Variants in ACOT1 observed in about 807,000 individuals in gnomAD.
ACOT1 encodes the protein acyl-coenzyme A thioesterase 1.
Under a neutral mutation model 15.7 loss-of-function variants are expected in ACOT1, and 8 were observed. The ratio of observed to expected loss-of-function variants is 0.51; its 90% confidence interval spans 0.30 to 0.92. The LOEUF (loss-of-function observed/expected upper bound fraction) is 0.92. ACOT1 is among the 40% of genes least tolerant of loss of function. ACOT1 has a pLI of 0.06. For missense variants in ACOT1, 151 were observed against 539.4 expected (o/e 0.28, Z 7.13); for synonymous variants, 67 against 241.2 (o/e 0.28, Z 6.69).
chr14:73,519,264 T>A, the ACOT1 span: 1 of 1,232,218 alleles, frequency 8.1e-7, no homozygotes, highest in Non-Finnish European at 1.1e-6. Context: ...CCTTTTGCCC[T>A]AATCTAAGCC....
At chr14:73,493,028 G>C in the ACOT1 span, 1 of 1,534,216 alleles carries the variant, frequency 6.5e-7, no homozygotes. Context: ...TTAAACTCAC[G>C]TTCTTACCTT....
chr14:73,533,133 TAAATC>T (rs1222291832), upstream of ACOT1, among the ~76,000 whole-genome samples: 5 of 114,078 alleles, frequency 4.4e-5, 1 homozygote, highest in African/African-American at 1.4e-4. Flanking sequence ...TCTAATAAAA[TAAATC>T]AAAACCCTGT....
the ACOT1 span, chr14:73,519,192 C>A: frequency 3.1e-6 from 5 of 1,588,412 alleles, no homozygotes; most frequent in Non-Finnish European, 4.3e-6. Flanking sequence ...ACAATGAGTC[C>A]CCTATAACCT....
the ACOT1 span, chr14:73,491,048 T>C: frequency 6.3e-7 from 1 of 1,588,646 alleles, no homozygotes; most frequent in South Asian, 1.1e-5. Flanking sequence ...TGCAGGGCCG[T>C]TGAGGCGCGG....
At chr14:73,491,921 C>G in the ACOT1 span, 1 of 1,613,452 alleles carries the variant, frequency 6.2e-7, no homozygotes, top group South Asian at 1.1e-5. Context: ...CCTCTGTCCG[C>G]AGGCTTTCTC....
the ACOT1 span, among the ~76,000 whole-genome samples, chr14:73,504,963 G>A: frequency 1.7e-3 from 262 of 151,688 alleles, 1 homozygote; most frequent in African/African-American, 6.1e-3. Flanking sequence ...ATGGAGTCTC[G>A]CTCTGTCGCC....
the ACOT1 span, among the ~76,000 whole-genome samples, chr14:73,495,693 T>G: frequency 3.3e-5 from 5 of 152,226 alleles, no homozygotes; most frequent in African/African-American, 1.2e-4. Flanking sequence ...TTATACCTGT[T>G]CGTGAAAATT....
chr14:73,493,813 G>A, the ACOT1 span, among the ~76,000 whole-genome samples: 1 of 152,166 alleles, frequency 6.6e-6, no homozygotes, highest in African/African-American at 2.4e-5. Context: ...ATTCCAGCCT[G>A]GGCAACAGAG....
At chr14:73,505,801 T>G in the ACOT1 span, among the ~76,000 whole-genome samples, 31 of 151,906 alleles carry the variant, frequency 2.0e-4, no homozygotes, top group Non-Finnish European at 3.4e-4. Flanking sequence ...TGATCTTTGA[T>G]GAAGAACCAA....
the ACOT1 span, among the ~76,000 whole-genome samples, chr14:73,501,332 A>G: frequency 6.6e-6 from 1 of 151,928 alleles, no homozygotes. Flanking sequence ...TCACTATGTT[A>G]GCCAGGATGG....
chr14:73,498,695 T>G, the ACOT1 span, among the ~76,000 whole-genome samples: 1 of 152,166 alleles, frequency 6.6e-6, no homozygotes, highest in Non-Finnish European at 1.5e-5. Context: ...CTAGGCAGAT[T>G]AAGGGGCAGG....
chr14:73,514,118 GCTT>G, the ACOT1 span: 200 of 1,614,044 alleles, frequency 1.2e-4, no homozygotes, highest in Middle Eastern at 1.3e-3. Flanking sequence ...GATTTTGCCT[GCTT>G]CTTCAATCTC....
chr14:73,524,667 C>T, the ACOT1 span, among the ~76,000 whole-genome samples: 2 of 149,598 alleles, frequency 1.3e-5, no homozygotes, highest in Non-Finnish European at 1.5e-5. Flanking sequence ...CAAATCTAGC[C>T]TACTAGATCA....
intron 1 of ACOT1, among the ~76,000 whole-genome samples, chr14:73,540,719 G>T: frequency 8.4e-6 from 1 of 118,822 alleles, no homozygotes; most frequent in South Asian, 2.6e-4. Flanking sequence ...TCTTAAAAGT[G>T]TTGCCTGTAA....
chr14:73,521,081 G>A, the ACOT1 span: 1 of 1,538,914 alleles, frequency 6.5e-7, no homozygotes. Context: ...GGAAAGAGTA[G>A]GAGGTGGATC....
chr14:73,509,857 TATA>T, the ACOT1 span, among the ~76,000 whole-genome samples: 1 of 71,476 alleles, frequency 1.4e-5, no homozygotes, highest in Non-Finnish European at 3.0e-5. Flanking sequence ...TATATATATA[TATA>T]TATATATATT....
the ACOT1 span, among the ~76,000 whole-genome samples, chr14:73,524,596 G>A: frequency 6.7e-6 from 1 of 150,050 alleles, no homozygotes; most frequent in Non-Finnish European, 1.5e-5. Context: ...AGAAGCTGAG[G>A]TTCAGAGAGG....
At chr14:73,522,561 C>T in the ACOT1 span, 10 of 1,614,072 alleles carry the variant, frequency 6.2e-6, no homozygotes, top group Non-Finnish European at 8.5e-6. Flanking sequence ...GCTCTGGCCT[C>T]CTTCTCAGGA....
intron 1 of ACOT1, among the ~76,000 whole-genome samples, chr14:73,540,399 G>C (rs60612595): frequency 0.16 from 10,597 of 67,868 alleles, 1,276 homozygotes; most frequent in African/African-American, 0.32. Flanking sequence ...ACTACAGCTA[G>C]AAGAATCAAC....
Sources: gnomAD v4.1 joint callset for allele counts (sites outside exome capture counted in the v4.1 genomes callset) on GRCh38, gnomAD v4.1.1 for gene constraint, MANE v1.5 for transcripts, NCBI Gene and HGNC (gene_info 2026-07-23, HGNC 2026-07-21) for gene names.